The following IGF2BP1 variants were observed in gnomAD, a reference collection of about 807,000 sequenced individuals.
IGF2BP1 encodes insulin like growth factor 2 mRNA binding protein 1.
A neutral mutation model predicts 74.9 loss-of-function variants in IGF2BP1; 11 were observed. The observed-to-expected ratio is 0.15, with a 90% confidence interval of 0.09 to 0.24. IGF2BP1 has a LOEUF of 0.24. Ranked by LOEUF, IGF2BP1 falls within the 10% of genes least tolerant of loss-of-function variation. The pLI is 1.00. For missense variants in IGF2BP1, 440 were observed against 757.4 expected, an observed-to-expected ratio of 0.58 and a Z score of 4.92; for synonymous variants, 287 against 281.8, an observed-to-expected ratio of 1.02 and a Z score of -0.18.
intron 7 of IGF2BP1, 121 bp from the exon 8 acceptor site, chr17:49,041,257 G>C: frequency 9.9e-7 from 1 of 1,010,612 alleles, no homozygotes; most frequent in Non-Finnish European, 1.5e-6. Context: ...TATGCAGTTT[G>C]ATAAGTTTTG....
At chr17:49,044,843 G>A (rs771075886) in intron 11 of IGF2BP1, 148 bp from the exon 12 acceptor site, 32 of 668,534 alleles carry the variant, frequency 4.8e-5, no homozygotes, top group Non-Finnish European at 7.5e-5. Flanking sequence ...GCGTAATGAT[G>A]TGGGCTTCAG....
At chr17:49,030,736 C>T in intron 4 of IGF2BP1, among the ~76,000 whole-genome samples, 1 of 151,890 alleles carries the variant, frequency 6.6e-6, no homozygotes, top group South Asian at 2.1e-4. Flanking sequence ...AAGCGATTCT[C>T]CTGCCTCAGC....
chr17:49,026,627 TCCTTCCTGCCTTCCTTCCTG>T (rs1305887069), intron 4 of IGF2BP1, 110 bp downstream of exon 4: 13 of 468,820 alleles, frequency 2.8e-5, no homozygotes, highest in Admixed American at 4.2e-5. Flanking sequence ...CTTCCTTCCT[TCCTTCCTGCCTTCCTTCCTG>T]CCTGCCTTCC....
intron 2 of IGF2BP1, among the ~76,000 whole-genome samples, chr17:49,025,315 T>TAA (rs2041838996): frequency 1.1e-5 from 1 of 94,702 alleles, no homozygotes; most frequent in Non-Finnish European, 2.0e-5. Flanking sequence ...ACAAACAAAG[T>TAA]GTGTGTGTGT....
At chr17:49,004,231 G>A (rs1341709648) in intron 2 of IGF2BP1, among the ~76,000 whole-genome samples, 1 of 152,224 alleles carries the variant, frequency 6.6e-6, no homozygotes, top group African/African-American at 2.4e-5. Flanking sequence ...CAGGCCGCTT[G>A]TGGTGCGCCT....
intron 10 of IGF2BP1, 96 bp downstream of exon 10, chr17:49,043,646 G>C: frequency 1.4e-6 from 2 of 1,454,862 alleles, no homozygotes; most frequent in Non-Finnish European, 1.9e-6. Flanking sequence ...TGCTTGGCAA[G>C]TTTGCAGGGA....
chr17:48,999,315 G>A (rs953235251), intron 2 of IGF2BP1, 146 bp downstream of exon 2: 1 of 617,066 alleles, frequency 1.6e-6, no homozygotes, highest in African/African-American at 1.9e-5. Flanking sequence ...GGCAGGGAGG[G>A]AAGATTGGCC....
chr17:49,034,811 C>A (rs984832420), intron 5 of IGF2BP1, among the ~76,000 whole-genome samples: 1 of 151,878 alleles, frequency 6.6e-6, no homozygotes, highest in Non-Finnish European at 1.5e-5. Context: ...AAGATGGAAT[C>A]CACAGAGGTG....
intron 11 of IGF2BP1, 87 bp from the exon 12 acceptor site, chr17:49,044,904 G>C (rs1420706934): frequency 8.9e-7 from 1 of 1,120,264 alleles, no homozygotes; most frequent in Non-Finnish European, 1.4e-6. Flanking sequence ...TTGGGAGTAA[G>C]GGTGGTAGAA....
chr17:49,033,299 C>G (rs937975044), intron 5 of IGF2BP1, among the ~76,000 whole-genome samples: 19 of 151,842 alleles, frequency 1.3e-4, no homozygotes, highest in African/African-American at 4.4e-4. Context: ...CAGGTGTACA[C>G]CACCATGCCC....
intron 2 of IGF2BP1, among the ~76,000 whole-genome samples, chr17:49,024,627 G>T (rs8076012): frequency 6.6e-6 from 1 of 151,916 alleles, no homozygotes; most frequent in Non-Finnish European, 1.5e-5. Context: ...TCTGTTTTAC[G>T]TAGGAAGAAA....
In IGF2BP1 at chr17:49,040,007, G is replaced by T; in HGVS notation, c.734G>T (p.Ser245Ile). The T allele has an allele frequency of 6.2e-7, 1 of 1,613,654 alleles. No individual in the cohort carries two copies. The highest frequency in any genetic ancestry group is 8.5e-7 in the Non-Finnish European group (1 of 1,180,024). Residue 245 changes from serine to isoleucine, a missense_variant, in exon 7 of 15, where the codon AGT (serine) becomes ATT (isoleucine). By Grantham distance (142) the Ser-to-Ile change is moderately radical. This residue lies in a region of IGF2BP1 where 184 missense variants were observed against 273.4 expected (regional missense o/e 0.67). Coordinates refer to ENST00000290341, the MANE Select transcript of IGF2BP1 (RefSeq NM_006546.4). ...GCAGGTGCAGCTGAAAAAGCCATCA[G>T]TGTGCACTCCACCCCTGAGGGCTGC... ...ENAGAAEKAI[S>I]VHSTPEGCSS... is the part of the protein sequence containing the mutation.
chr17:49,031,837 G>T, intron 4 of IGF2BP1, 73 bp from the exon 5 acceptor site: 1 of 1,329,206 alleles, frequency 7.5e-7, no homozygotes, highest in Non-Finnish European at 1.1e-6. Context: ...AACGTGGAAA[G>T]CTGGAGTTGG....
intron 2 of IGF2BP1, among the ~76,000 whole-genome samples, chr17:49,016,527 A>T (rs1031957427): frequency 6.6e-6 from 1 of 152,170 alleles, no homozygotes; most frequent in African/African-American, 2.4e-5. Flanking sequence ...AGCCCAGAGT[A>T]GCTCTTGGTG....
chr17:49,034,115 CTTTTTT>C (rs762314265), intron 5 of IGF2BP1, among the ~76,000 whole-genome samples: 2 of 118,412 alleles, frequency 1.7e-5, no homozygotes, highest in East Asian at 2.3e-4. Flanking sequence ...TGATTTGCCC[CTTTTTT>C]TTTTTTTTTT....
chr17:49,024,057 C>G (rs965287908), intron 2 of IGF2BP1, among the ~76,000 whole-genome samples: 1 of 148,116 alleles, frequency 6.8e-6, no homozygotes, highest in Non-Finnish European at 1.5e-5. Context: ...GCTGGAATTA[C>G]AGGCACGTGC....
intron 2 of IGF2BP1, among the ~76,000 whole-genome samples, chr17:49,002,275 A>G (rs1468504957): frequency 6.6e-6 from 1 of 152,178 alleles, no homozygotes; most frequent in East Asian, 1.9e-4. Context: ...TTTGAAGTTA[A>G]CAGCTTTAAA....
intron 2 of IGF2BP1, among the ~76,000 whole-genome samples, chr17:49,019,164 G>A (rs1041191597): frequency 5.2e-4 from 79 of 152,242 alleles, no homozygotes; most frequent in African/African-American, 1.9e-3. Context: ...AGAAGGAGCA[G>A]GTTTGCAGAG....
Position 49,051,017 on chromosome 17 carries a change from TAAC to T in IGF2BP1, c.*1579_*1581del, listed in dbSNP as rs1181434152. The T allele has an allele frequency of 1.3e-5, 2 of 152,588 alleles. No homozygotes were observed. Among genetic ancestry groups the T allele is most frequent in the African/African-American group, 4.8e-5 (2 of 41,426 alleles). 9.5% of individuals were successfully genotyped at this position (152,588 alleles called of 1,614,324 possible). A position where few individuals can be genotyped will look rare whatever the true frequency, so the allele number is the denominator to read the frequency against. On this transcript the variant is annotated 3_prime_UTR_variant, in exon 15 of 15. Coordinates refer to ENST00000290341, the MANE Select transcript of IGF2BP1 (RefSeq NM_006546.4). ...CCTCCTTTCAACATTGCAACAACAG[TAAC>T]AACAAGACAACCGCAACATGTGGGC...
Sources: gnomAD v4.1 joint callset for allele counts (sites outside exome capture counted in the v4.1 genomes callset) on GRCh38, gnomAD v4.1.1 for gene constraint, gnomAD v4.1.1 regional missense constraint, MANE v1.5 for transcripts, NCBI Gene and HGNC (gene_info 2026-07-23, HGNC 2026-07-21) for gene names.